Variants in PABPC1L2A observed in about 807,000 individuals in gnomAD.
PABPC1L2A encodes the protein polyadenylate-binding protein 1-like 2.
At position 73,077,487 on chromosome X, in the gene PABPC1L2A, T is replaced by C. The variant is rs781967874; in HGVS notation, c.*1297A>G. On this transcript the variant is annotated 3_prime_UTR_variant, in exon 1 of 1. Coordinates refer to ENST00000373519, the MANE Select transcript of PABPC1L2A (RefSeq NM_001012977.3). Reference sequence around the variant, plus strand: ...AATATCAGAGAGGTGTGCATGAAAATGTTTCTGGAATGTGTGTGTAATCAT... The same window carrying C: ...AATATCAGAGAGGTGTGCATGAAAACGTTTCTGGAATGTGTGTGTAATCAT... 4.0e-4 allele frequency: 47 copies of C among 116,430 alleles called. No homozygotes were observed. Among genetic ancestry groups the C allele is most frequent in the African/African-American group, 1.4e-3 (42 of 30,556 alleles). The allele number at this position is 116,430 out of a possible 1,213,427, so 9.6% of individuals were successfully genotyped here. A position where few individuals can be genotyped will look rare whatever the true frequency, so the allele number is the denominator to read the frequency against.
rs1373409310 is a variant in PABPC1L2A, at chrX:73,079,491, T to C, written c.-105A>G. The C allele has an allele frequency of 3.0e-6, 3 of 1,011,621 alleles. No homozygotes were observed. In the East Asian group the frequency reaches 8.9e-5, roughly 30 times the overall value. 83.4% of individuals were successfully genotyped at this position (1,011,621 alleles called of 1,213,427 possible). A position where few individuals can be genotyped will look rare whatever the true frequency, so the allele number is the denominator to read the frequency against. On this transcript the variant is annotated 5_prime_UTR_variant, in exon 1 of 1. Transcript: ENST00000373519. ...TCGGCCGCCACCTCGGCCGCCACCT[T>C]CGCATCCGCATCCGCATCCGCATCC...
In PABPC1L2A at chrX:73,079,504, C is replaced by T. The variant is rs1361314422; in HGVS notation, c.-118G>A. ...CGGCCGCCACCTTCGCATCCGCATC[C>T]GCATCCGCATCCGCCTCCGCCTCCC... On this transcript the variant is annotated 5_prime_UTR_variant, in exon 1 of 1. Coordinates refer to ENST00000373519, the MANE Select transcript of PABPC1L2A (RefSeq NM_001012977.3). 3.4e-6 allele frequency: 2 copies of T among 593,484 alleles called. No homozygotes were observed. Among genetic ancestry groups the T allele is most frequent in the Admixed American group, 3.4e-5 (1 of 29,672 alleles). The allele number at this position is 593,484 out of a possible 1,213,427, so 48.9% of individuals were successfully genotyped here. A position where few individuals can be genotyped will look rare whatever the true frequency, so the allele number is the denominator to read the frequency against.
At position 73,077,636 on chromosome X, in the gene PABPC1L2A, G is replaced by A. The variant is rs2147931079; in HGVS notation, c.*1148C>T. ...GGGAAAAGGACAGGAAGAGGGCACA[G>A]GGGAATGGGGTCATAAGCAGTGTTT... is the stretch of plus-strand genomic sequence containing the variant. On this transcript the variant is annotated 3_prime_UTR_variant, in exon 1 of 1. Transcript: ENST00000373519. The A allele has an allele frequency of 8.3e-6, 1 of 121,107 alleles. No homozygotes were observed. The highest frequency in any genetic ancestry group is 3.3e-5 in the African/African-American group (1 of 30,108). 10.0% of individuals were successfully genotyped at this position (121,107 alleles called of 1,213,427 possible). A position where few individuals can be genotyped will look rare whatever the true frequency, so the allele number is the denominator to read the frequency against.
Position 73,077,406 on chromosome X carries a change from T to C in PABPC1L2A, c.*1378A>G, listed in dbSNP as rs1419673820. The C allele has an allele frequency of 9.0e-6, 1 of 111,562 alleles. No homozygotes were observed. The highest frequency in any genetic ancestry group is 1.9e-5 in the Non-Finnish European group (1 of 53,091). 9.2% of individuals were successfully genotyped at this position (111,562 alleles called of 1,213,427 possible). On this transcript the variant is annotated 3_prime_UTR_variant, in exon 1 of 1. Coordinates refer to ENST00000373519, the MANE Select transcript of PABPC1L2A (RefSeq NM_001012977.3). ...TACATCATAATATACATATATGATA[T>C]ATGCATAAGAAAAAAACTAGACCTA... is the stretch of plus-strand genomic sequence containing the variant.
Position 73,077,578 on chromosome X carries a change from T to C in PABPC1L2A, c.*1206A>G, listed in dbSNP as rs11093406. On this transcript the variant is annotated 3_prime_UTR_variant, in exon 1 of 1. Coordinates refer to ENST00000373519, the MANE Select transcript of PABPC1L2A (RefSeq NM_001012977.3). ...TTGTCTGCTTTGTGATTTTTTTTTC[T>C]TGCAATGACGCTGAATTACTTTTCT... The C allele has an allele frequency of 0.51, 61,672 of 119,887 alleles. 14,211 individuals are homozygous for C. The highest frequency in any genetic ancestry group is 0.68 in the Non-Finnish European group (35,873 of 52,417). 9.9% of individuals were successfully genotyped at this position (119,887 alleles called of 1,213,427 possible). A position where few individuals can be genotyped will look rare whatever the true frequency, so the allele number is the denominator to read the frequency against.
chrX:73,079,491 TCGCATCCGCATCCGCATC>T lies in PABPC1L2A; in HGVS notation c.-123_-106del. The T allele has an allele frequency of 2.0e-6, 2 of 1,012,779 alleles. No individual in the cohort carries two copies. Among genetic ancestry groups the T allele is most frequent in the African/African-American group, 1.8e-5 (1 of 55,121 alleles). The allele number at this position is 1,012,779 out of a possible 1,213,427, so 83.5% of individuals were successfully genotyped here. A position where few individuals can be genotyped will look rare whatever the true frequency, so the allele number is the denominator to read the frequency against. On this transcript the variant is annotated 5_prime_UTR_variant, in exon 1 of 1. An upstream start codon of the reference 5' UTR is lost. Transcript: ENST00000373519. ...TCGGCCGCCACCTCGGCCGCCACCT[TCGCATCCGCATCCGCATC>T]CGCATCCGCCTCCGCCTCCCCCAAG...
chrX:73,077,415 GA>G lies in PABPC1L2A; in HGVS notation c.*1368del, dbSNP rs1476713582. The stretch of plus-strand genomic sequence containing the variant: ...ATATACATATATGATATATGCATAA[GA>G]AAAAAACTAGACCTACAGACAAAAA... On this transcript the variant is annotated 3_prime_UTR_variant, in exon 1 of 1. Coordinates refer to ENST00000373519, the MANE Select transcript of PABPC1L2A (RefSeq NM_001012977.3). 4.5e-5 allele frequency: 5 copies of G among 111,262 alleles called. No individual in the cohort carries two copies. The highest frequency in any genetic ancestry group is 9.4e-5 in the Non-Finnish European group (5 of 52,975). 9.2% of individuals were successfully genotyped at this position (111,262 alleles called of 1,213,427 possible). A position where few individuals can be genotyped will look rare whatever the true frequency, so the allele number is the denominator to read the frequency against.
At position 73,077,735 on chromosome X, in the gene PABPC1L2A, AC is replaced by A; in HGVS notation, c.*1048del. Reference sequence around the variant, plus strand: ...CAAGCTGGCCAAGACACACACACACACACACACACACACACACGCACGCACA... The same window carrying A: ...CAAGCTGGCCAAGACACACACACACAACACACACACACACACGCACGCACA... On this transcript the variant is annotated 3_prime_UTR_variant, in exon 1 of 1. Transcript: ENST00000373519. The A allele has an allele frequency of 8.3e-6, 1 of 119,860 alleles. No homozygotes were observed. The highest frequency in any genetic ancestry group is 1.9e-5 in the Non-Finnish European group (1 of 52,919). The allele number at this position is 119,860 out of a possible 1,213,427, so 9.9% of individuals were successfully genotyped here.
At position 73,078,336 on chromosome X, in the gene PABPC1L2A, T is replaced by TAA. The variant is rs1344367541; in HGVS notation, c.*446_*447dup. ...CTGGAAAAGCAGCACACCAAAAAGGTAAAAGTGGTTCTCTCTGGGGAGTAG... is the reference window on the plus strand; with the variant it reads ...CTGGAAAAGCAGCACACCAAAAAGGTAAAAAAGTGGTTCTCTCTGGGGAGTAG... On this transcript the variant is annotated 3_prime_UTR_variant, in exon 1 of 1. Transcript: ENST00000373519. 1.1e-5 allele frequency: 1 copy of TAA among 92,469 alleles called. No individual in the cohort carries two copies. The highest frequency in any genetic ancestry group is 1.4e-4 in the Admixed American group (1 of 7,034). 7.6% of individuals were successfully genotyped at this position (92,469 alleles called of 1,213,427 possible).
rs1184096784 is a variant in PABPC1L2A, at chrX:73,078,366, AG to A, written c.*417del. 1 of 83,875 alleles carries A rather than the reference AG, an allele frequency of 1.2e-5. No individual in the cohort carries two copies. Among genetic ancestry groups the A allele is most frequent in the African/African-American group, 5.1e-5 (1 of 19,573 alleles). 6.9% of individuals were successfully genotyped at this position (83,875 alleles called of 1,213,427 possible). A position where few individuals can be genotyped will look rare whatever the true frequency, so the allele number is the denominator to read the frequency against. ...GTGGTTCTCTCTGGGGAGTAGGACC[AG>A]GGGAGCAATTACTCTCTTGTTTCTT... On this transcript the variant is annotated 3_prime_UTR_variant, in exon 1 of 1. Coordinates refer to ENST00000373519, the MANE Select transcript of PABPC1L2A (RefSeq NM_001012977.3).
rs1222896806 is a variant in PABPC1L2A, at chrX:73,079,484, G to A, written c.-98C>T. 85 of 1,041,388 alleles carry A rather than the reference G, an allele frequency of 8.2e-5. No individual in the cohort carries two copies. In the East Asian group the frequency reaches 2.5e-3, roughly 30 times the overall value. 85.8% of individuals were successfully genotyped at this position (1,041,388 alleles called of 1,213,427 possible). A position where few individuals can be genotyped will look rare whatever the true frequency, so the allele number is the denominator to read the frequency against. ...CGCCACCTCGGCCGCCACCTCGGCC[G>A]CCACCTTCGCATCCGCATCCGCATC... On this transcript the variant is annotated 5_prime_UTR_variant, in exon 1 of 1. Coordinates refer to ENST00000373519, the MANE Select transcript of PABPC1L2A (RefSeq NM_001012977.3).
chrX:73,077,507 AATC>A lies in PABPC1L2A; in HGVS notation c.*1274_*1276del, dbSNP rs2055544843. 8.4e-6 allele frequency: 1 copy of A among 118,880 alleles called. No homozygotes were observed. The highest frequency in any genetic ancestry group is 3.3e-5 in the African/African-American group (1 of 30,604). 9.8% of individuals were successfully genotyped at this position (118,880 alleles called of 1,213,427 possible). A position where few individuals can be genotyped will look rare whatever the true frequency, so the allele number is the denominator to read the frequency against. On this transcript the variant is annotated 3_prime_UTR_variant, in exon 1 of 1. Coordinates refer to ENST00000373519, the MANE Select transcript of PABPC1L2A (RefSeq NM_001012977.3). ...GAAAATGTTTCTGGAATGTGTGTGT[AATC>A]ATCAGAAATGATTACTGGTGACTTT... is the stretch of plus-strand genomic sequence containing the variant.
rs1556385460 is a variant in PABPC1L2A at position 73,078,008 on chromosome X, C to T, written c.*776G>A. On this transcript the variant is annotated 3_prime_UTR_variant, in exon 1 of 1. Transcript: ENST00000373519. ...GATTCACTCATCAAAGCACAGAGCA[C>T]GCAATGTTGGTCTTAAACACAGGGA... 1 of 121,894 alleles carries T rather than the reference C, an allele frequency of 8.2e-6. No individual in the cohort carries two copies. Among genetic ancestry groups the T allele is most frequent in the African/African-American group, 3.3e-5 (1 of 30,226 alleles). The allele number at this position is 121,894 out of a possible 1,213,427, so 10.0% of individuals were successfully genotyped here.
At position 73,077,962 on chromosome X, in the gene PABPC1L2A, A is replaced by G. The variant is rs2055549247; in HGVS notation, c.*822T>C. ...AAGGAGACCACCGGGATGCTAGCAA[A>G]GATTTGGCTTGACAAGGAAGGATTC... is the stretch of plus-strand genomic sequence containing the variant. On this transcript the variant is annotated 3_prime_UTR_variant, in exon 1 of 1. Coordinates refer to ENST00000373519, the MANE Select transcript of PABPC1L2A (RefSeq NM_001012977.3). 1 of 121,409 alleles carries G rather than the reference A, an allele frequency of 8.2e-6. No individual in the cohort carries two copies. The highest frequency in any genetic ancestry group is 1.9e-5 in the Non-Finnish European group (1 of 52,588). 10.0% of individuals were successfully genotyped at this position (121,409 alleles called of 1,213,427 possible).
In PABPC1L2A at chrX:73,077,773, T is replaced by C. The variant is rs1336855993; in HGVS notation, c.*1011A>G. 2.5e-5 allele frequency: 3 copies of C among 120,102 alleles called. No homozygotes were observed. The highest frequency in any genetic ancestry group is 5.7e-5 in the Non-Finnish European group (3 of 52,591). 9.9% of individuals were successfully genotyped at this position (120,102 alleles called of 1,213,427 possible). A position where few individuals can be genotyped will look rare whatever the true frequency, so the allele number is the denominator to read the frequency against. On this transcript the variant is annotated 3_prime_UTR_variant, in exon 1 of 1. Coordinates refer to ENST00000373519, the MANE Select transcript of PABPC1L2A (RefSeq NM_001012977.3). ...CACACGCACGCACACACACGATCAATTACAGTGACCAGGAGACTATGCAGG... is the reference window on the plus strand; with the variant it reads ...CACACGCACGCACACACACGATCAACTACAGTGACCAGGAGACTATGCAGG...
At position 73,077,827 on chromosome X, in the gene PABPC1L2A, G is replaced by T. The variant is rs1327461664; in HGVS notation, c.*957C>A. On this transcript the variant is annotated 3_prime_UTR_variant, in exon 1 of 1. Coordinates refer to ENST00000373519, the MANE Select transcript of PABPC1L2A (RefSeq NM_001012977.3). ...AACGGGCATACTCTTTACTAGCTGC[G>T]CTGGCCGGCACGAGTGCAAATCGGT... The T allele has an allele frequency of 4.9e-5, 6 of 121,867 alleles. No homozygotes were observed. The Admixed American group carries it at 5.8e-4, about 12-fold the overall frequency. The allele number at this position is 121,867 out of a possible 1,213,427, so 10.0% of individuals were successfully genotyped here. A position where few individuals can be genotyped will look rare whatever the true frequency, so the allele number is the denominator to read the frequency against.
rs2055544445 is a variant in PABPC1L2A at position 73,077,482 on chromosome X, GA to G, written c.*1301del. On this transcript the variant is annotated 3_prime_UTR_variant, in exon 1 of 1. Transcript: ENST00000373519. ...TAGAAAATATCAGAGAGGTGTGCAT[GA>G]AAATGTTTCTGGAATGTGTGTGTAA... 1 of 116,069 alleles carries G rather than the reference GA, an allele frequency of 8.6e-6. No individual in the cohort carries two copies. The highest frequency in any genetic ancestry group is 9.5e-5 in the Admixed American group (1 of 10,492). 9.6% of individuals were successfully genotyped at this position (116,069 alleles called of 1,213,427 possible). A position where few individuals can be genotyped will look rare whatever the true frequency, so the allele number is the denominator to read the frequency against.
rs1466848071 is a variant in PABPC1L2A, at chrX:73,079,503, C to A, written c.-117G>T. The A allele has an allele frequency of 5.1e-6, 3 of 592,417 alleles. No homozygotes were observed. The highest frequency in any genetic ancestry group is 3.0e-5 in the East Asian group (1 of 33,328). The allele number at this position is 592,417 out of a possible 1,213,427, so 48.8% of individuals were successfully genotyped here. A position where few individuals can be genotyped will look rare whatever the true frequency, so the allele number is the denominator to read the frequency against. On this transcript the variant is annotated 5_prime_UTR_variant, in exon 1 of 1. Coordinates refer to ENST00000373519, the MANE Select transcript of PABPC1L2A (RefSeq NM_001012977.3). The stretch of plus-strand genomic sequence containing the variant: ...TCGGCCGCCACCTTCGCATCCGCAT[C>A]CGCATCCGCATCCGCCTCCGCCTCC...
In PABPC1L2A at chrX:73,079,487, A is replaced by G; in HGVS notation, c.-101T>C. ...CACCTCGGCCGCCACCTCGGCCGCCACCTTCGCATCCGCATCCGCATCCGC... is the reference window on the plus strand; with the variant it reads ...CACCTCGGCCGCCACCTCGGCCGCCGCCTTCGCATCCGCATCCGCATCCGC... On this transcript the variant is annotated 5_prime_UTR_variant, in exon 1 of 1. Coordinates refer to ENST00000373519, the MANE Select transcript of PABPC1L2A (RefSeq NM_001012977.3). The G allele has an allele frequency of 9.6e-7, 1 of 1,043,895 alleles. No homozygotes were observed. Among genetic ancestry groups the G allele is most frequent in the South Asian group, 2.3e-5 (1 of 44,165 alleles). 86.0% of individuals were successfully genotyped at this position (1,043,895 alleles called of 1,213,427 possible).
Sources: allele counts gnomAD v4.1 joint callset, GRCh38; gene constraint gnomAD v4.1.1; transcripts MANE v1.5; gene names NCBI Gene and HGNC (gene_info 2026-07-23, HGNC 2026-07-21).